The following MGAT4C variants were observed in gnomAD, a reference collection of about 807,000 sequenced individuals.
MGAT4C encodes MGAT4 family member C, also known as alpha-1,3-mannosyl-glycoprotein 4-beta-N-acetylglucosaminyltransferase C.
In MGAT4C, 19 loss-of-function variants were observed where a neutral mutation model predicts 40.1. The observed-to-expected ratio is 0.47, with a 90% CI of 0.33 to 0.70. The LOEUF (loss-of-function observed/expected upper bound fraction) is 0.70. Among genes scored for constraint, MGAT4C ranks in the 30% least tolerant of loss-of-function variants. The probability of loss-of-function intolerance (pLI) is 0.02; values close to 1 mark genes in which losing one functional copy is unlikely to be tolerated. For missense variants in MGAT4C, 491 were observed against 563.2 expected, an observed-to-expected ratio of 0.87 and a Z score of 1.30; for synonymous variants, 181 against 187.1, an observed-to-expected ratio of 0.97 and a Z score of 0.27.
upstream of MGAT4C, among the ~76,000 whole-genome samples, chr12:86,258,689 A>G (rs2136092624): frequency 6.6e-6 from 1 of 152,232 alleles, no homozygotes; most frequent in South Asian, 2.1e-4. Context: ...TTTTAAGAAT[A>G]TAGATTTCAA....
intron 2 of MGAT4C, among the ~76,000 whole-genome samples, chr12:86,514,816 G>A (rs1457099593): frequency 1.3e-5 from 2 of 152,120 alleles, no homozygotes; most frequent in African/African-American, 4.8e-5. Context: ...ATCCATTATT[G>A]TGCCTATCAC....
chr12:86,749,083 A>G (rs1951196490), intron 1 of MGAT4C, among the ~76,000 whole-genome samples: 1 of 151,444 alleles, frequency 6.6e-6, no homozygotes, highest in South Asian at 2.1e-4. Context: ...CTCTTATTTC[A>G]GCAATTATCT....
At chr12:86,620,649 C>G (rs1405016901) in intron 2 of MGAT4C, among the ~76,000 whole-genome samples, 1 of 152,152 alleles carries the variant, frequency 6.6e-6, no homozygotes, top group Non-Finnish European at 1.5e-5. Flanking sequence ...CAAGCCCATA[C>G]TTCAACACTA....
At chr12:86,636,411 A>C (rs1306100779) in intron 2 of MGAT4C, among the ~76,000 whole-genome samples, 1 of 151,970 alleles carries the variant, frequency 6.6e-6, no homozygotes, top group Admixed American at 6.6e-5. Flanking sequence ...GCTCTATTCA[A>C]ATTCACATTT....
At chr12:86,346,135 G>A (rs1955027348) in intron 3 of MGAT4C, among the ~76,000 whole-genome samples, 1 of 152,110 alleles carries the variant, frequency 6.6e-6, no homozygotes, top group African/African-American at 2.4e-5. Context: ...TTAAATCCTG[G>A]TTTGCATTAT....
intron 3 of MGAT4C, among the ~76,000 whole-genome samples, chr12:86,417,457 C>A (rs887464702): frequency 2.0e-5 from 3 of 151,758 alleles, no homozygotes; most frequent in African/African-American, 7.3e-5. Flanking sequence ...CATTTTCTAC[C>A]CCAAACAAAG....
intron 3 of MGAT4C, among the ~76,000 whole-genome samples, chr12:86,345,003 G>T (rs1048887781): frequency 6.6e-5 from 10 of 151,530 alleles, no homozygotes; most frequent in Middle Eastern, 3.4e-3. Flanking sequence ...AATCACTGAA[G>T]AATTATTCCA....
chr12:86,771,844 T>C (rs918212931), intron 1 of MGAT4C, among the ~76,000 whole-genome samples: 1 of 152,036 alleles, frequency 6.6e-6, no homozygotes, highest in Non-Finnish European at 1.5e-5. Flanking sequence ...TAATGCAAAG[T>C]TTAGCCAAAT....
At chr12:86,445,499 G>T (rs933466664) in intron 2 of MGAT4C, among the ~76,000 whole-genome samples, 17 of 152,106 alleles carry the variant, frequency 1.1e-4, no homozygotes, top group African/African-American at 4.1e-4. Context: ...ACATACTAAT[G>T]CTGAAAATGT....
intron 3 of MGAT4C, among the ~76,000 whole-genome samples, chr12:86,424,255 T>C (rs1270496045): frequency 6.6e-6 from 1 of 152,206 alleles, no homozygotes; most frequent in Non-Finnish European, 1.5e-5. Context: ...AGAAGAATCT[T>C]AATAGTGCTG....
chr12:86,813,153 C>T (rs1952509334), intron 1 of MGAT4C, among the ~76,000 whole-genome samples: 2 of 151,862 alleles, frequency 1.3e-5, no homozygotes, highest in South Asian at 4.2e-4. Flanking sequence ...TATAGTTGTG[C>T]TTAGCAGGGA....
At chr12:86,823,815 G>A (rs1365001931) in intron 1 of MGAT4C, among the ~76,000 whole-genome samples, 2 of 151,074 alleles carry the variant, frequency 1.3e-5, no homozygotes, top group East Asian at 3.9e-4. Flanking sequence ...GCAGAAAACA[G>A]TAGAAGTGAA....
chr12:85,960,038 A>T lies in MGAT4C; in HGVS notation c.*19251T>A, dbSNP rs370983848. 7.6e-4 allele frequency: 116 copies of T among 152,088 alleles called. No individual in the cohort carries two copies. Among genetic ancestry groups the T allele is most frequent in the African/African-American group, 2.6e-3 (107 of 41,552 alleles). 9.4% of individuals were successfully genotyped at this position (152,088 alleles called of 1,614,324 possible). A position where few individuals can be genotyped will look rare whatever the true frequency, so the allele number is the denominator to read the frequency against. ...GCTATATAAAATGCAATTCGGTATT[A>T]AAGAAAATTGTTGCACGGACTACAT... On this transcript the variant is annotated 3_prime_UTR_variant, in exon 5 of 5. Transcript: ENST00000611864.
chr12:86,380,684 T>G (rs1955912066), intron 3 of MGAT4C, among the ~76,000 whole-genome samples: 1 of 152,070 alleles, frequency 6.6e-6, no homozygotes. Context: ...GAGAACACAA[T>G]AAGGAGGAAG....
chr12:86,639,111 C>G (rs150829639), intron 2 of MGAT4C, among the ~76,000 whole-genome samples: 105 of 151,844 alleles, frequency 6.9e-4, no homozygotes, highest in African/African-American at 2.3e-3. Flanking sequence ...AGCCTCTTCA[C>G]CTTTTGGGAC....
chr12:86,477,350 G>A (rs1380227390), intron 2 of MGAT4C, among the ~76,000 whole-genome samples: 2 of 151,898 alleles, frequency 1.3e-5, no homozygotes, highest in African/African-American at 4.8e-5. Flanking sequence ...TTATAAGTGG[G>A]AGCTAAATAT....
At chr12:86,081,277 T>C (rs1870793908) in intron 1 of MGAT4C, among the ~76,000 whole-genome samples, 1 of 152,202 alleles carries the variant, frequency 6.6e-6, no homozygotes, top group Admixed American at 6.5e-5. Flanking sequence ...AATTGACTTT[T>C]ATTGTCATTG....
At chr12:86,801,056 A>G (rs756769955) in intron 1 of MGAT4C, among the ~76,000 whole-genome samples, 32 of 151,986 alleles carry the variant, frequency 2.1e-4, no homozygotes, top group Non-Finnish European at 4.0e-4. Context: ...TCCAGCCTTG[A>G]TATTTTCTGT....
At chr12:86,373,032 A>G (rs1592756752) in intron 3 of MGAT4C, among the ~76,000 whole-genome samples, 1 of 151,388 alleles carries the variant, frequency 6.6e-6, no homozygotes, top group African/African-American at 2.4e-5. Flanking sequence ...AGGCAAAAGA[A>G]GGCAACAATT....
Sources: allele counts gnomAD v4.1 joint callset (sites outside exome capture counted in the v4.1 genomes callset), GRCh38; gene constraint gnomAD v4.1.1; transcripts MANE v1.5; gene names NCBI Gene and HGNC (gene_info 2026-07-23, HGNC 2026-07-21).